The following ANXA13 variants were observed in gnomAD, a reference collection of about 807,000 sequenced individuals.
ANXA13 encodes the protein annexin XIII.
Under a neutral mutation model 46.6 loss-of-function variants are expected in ANXA13, and 36 were observed. The ratio of observed to expected loss-of-function variants is 0.77; its 90% CI spans 0.59 to 1.02. The LOEUF is 1.02. Ranked by LOEUF, ANXA13 falls within the 50% of genes least tolerant of loss-of-function variation. The probability of loss-of-function intolerance (pLI) is 0.00; values close to 1 mark genes in which losing one functional copy is unlikely to be tolerated. For synonymous variants in ANXA13, 163 were observed against 152.9 expected, an observed-to-expected ratio of 1.07 and a Z score of -0.49; for missense variants, 417 against 396.5, an observed-to-expected ratio of 1.05 and a Z score of -0.44.
At chr8:123,716,920 A>G (rs982684401) in intron 1 of ANXA13, among the ~76,000 whole-genome samples, 3 of 152,182 alleles carry the variant, frequency 2.0e-5, no homozygotes, top group African/African-American at 7.2e-5. Context: ...GGGGTACTCC[A>G]GGATGGGGTC....
At chr8:123,724,829 A>G (rs1278557433) in intron 1 of ANXA13, among the ~76,000 whole-genome samples, 2 of 152,258 alleles carry the variant, frequency 1.3e-5, no homozygotes, top group Non-Finnish European at 2.9e-5. Flanking sequence ...ACTGAGGACC[A>G]TATCTGGCCC....
At chr8:123,704,753 C>T (rs1813509625) in intron 2 of ANXA13, among the ~76,000 whole-genome samples, 1 of 152,184 alleles carries the variant, frequency 6.6e-6, no homozygotes, top group Non-Finnish European at 1.5e-5. Context: ...TACCTCCTTT[C>T]CCAGTCTTTC....
In ANXA13 at chr8:123,683,584, C is replaced by CT. The variant is rs5894671; in HGVS notation, c.831+1025dup. Among the ~76,000 whole-genome samples the CT allele has an allele frequency of 2.6e-3, 266 of 100,812 alleles. 5 individuals are homozygous for CT. Among genetic ancestry groups the CT allele is most frequent in the Middle Eastern group, 0.011 (2 of 184 alleles). 66.1% of individuals were successfully genotyped at this position (100,812 alleles called of 152,430 possible). On this transcript the variant is annotated intron_variant, in intron 10 of 10. Coordinates refer to ENST00000419625, the MANE Select transcript of ANXA13 (RefSeq NM_004306.4). ...CATATCCCGAACTGTTAGCTGTGAC[C>CT]TTTTTTTTTTTTTTTTTTTTGAGAC...
At chr8:123,725,857 C>T (rs189789094) in intron 1 of ANXA13, among the ~76,000 whole-genome samples, 22 of 152,224 alleles carry the variant, frequency 1.4e-4, no homozygotes, top group Admixed American at 9.8e-4. Context: ...TATTAATCTG[C>T]GGGGGTTGAT....
intron 6 of ANXA13, among the ~76,000 whole-genome samples, chr8:123,695,245 T>C (rs145280329): frequency 2.0e-4 from 30 of 152,214 alleles, no homozygotes; most frequent in African/African-American, 7.2e-4. Context: ...GACAAAGTGA[T>C]GCTTAATGAG....
intron 2 of ANXA13, among the ~76,000 whole-genome samples, chr8:123,707,173 G>T (rs1319289339): frequency 6.6e-6 from 1 of 152,232 alleles, no homozygotes; most frequent in African/African-American, 2.4e-5. Flanking sequence ...CATGTGCACA[G>T]ATGAATGAAT....
At chr8:123,688,073 T>G (rs1023034917) in intron 9 of ANXA13, among the ~76,000 whole-genome samples, 2 of 152,300 alleles carry the variant, frequency 1.3e-5, no homozygotes, top group Admixed American at 1.3e-4. Context: ...ACAGGTGCCC[T>G]CAGGGACCCA....
intron 1 of ANXA13, among the ~76,000 whole-genome samples, chr8:123,714,001 A>T (rs1163982313): frequency 7.9e-5 from 12 of 151,988 alleles, no homozygotes; most frequent in Admixed American, 3.9e-4. Flanking sequence ...GCATGTCCAT[A>T]TATTTTCCAT....
chr8:123,735,968 T>A, intron 1 of ANXA13: 1 of 1,399,090 alleles, frequency 7.1e-7, no homozygotes, highest in Non-Finnish European at 9.5e-7. Context: ...AAAATTATCC[T>A]CCTAAGCTGT....
At chr8:123,714,016 C>T (rs1813711737) in intron 1 of ANXA13, among the ~76,000 whole-genome samples, 1 of 152,184 alleles carries the variant, frequency 6.6e-6, no homozygotes, top group African/African-American at 2.4e-5. Context: ...TTCCATCCTT[C>T]AGTGAAGGCT....
intron 4 of ANXA13, 130 bp downstream of exon 4, chr8:123,698,259 C>G: frequency 1.0e-6 from 1 of 973,048 alleles, no homozygotes; most frequent in East Asian, 2.5e-5. Flanking sequence ...ATGGACCAAG[C>G]ACACATATGT....
rs143605420 is a variant in ANXA13, at chr8:123,705,457, G to T, written c.92-2721C>A. Among the ~76,000 whole-genome samples the T allele has an allele frequency of 3.0e-3, 456 of 152,302 alleles. 5 individuals carry two copies. The highest frequency in any genetic ancestry group is 0.01 in the African/African-American group (426 of 41,564). On this transcript the variant is annotated intron_variant, in intron 2 of 10. Transcript: ENST00000419625. ...CCATCTCTGCACAGAGCAGCCCAAG[G>T]CTTACTCACCTAATCTCAGCCACAC...
At chr8:123,728,420 G>A (rs535125106) in intron 1 of ANXA13, 55 of 152,272 alleles carry the variant, frequency 3.6e-4, no homozygotes, top group Non-Finnish European at 5.4e-4. Context: ...AATGAAGCAC[G>A]TTTCTCATTA....
chr8:123,730,388 G>A (rs1814092728), intron 1 of ANXA13, among the ~76,000 whole-genome samples: 1 of 152,146 alleles, frequency 6.6e-6, no homozygotes, highest in Non-Finnish European at 1.5e-5. Context: ...TAGATTTACT[G>A]AATCAACATT....
At chr8:123,692,745 T>C (rs1813264101) in intron 8 of ANXA13, among the ~76,000 whole-genome samples, 1 of 152,176 alleles carries the variant, frequency 6.6e-6, no homozygotes, top group South Asian at 2.1e-4. Flanking sequence ...GTGAAGATGA[T>C]GTTCACGGTT....
chr8:123,695,649 A>C lies in ANXA13; in HGVS notation c.391+39T>G, dbSNP rs1217114622. ...AGTTTCCCAGAGGTATTTTGAAAGA[A>C]ACATACTTTATCCAAAGCCAGAATG... is the stretch of plus-strand genomic sequence containing the variant. On this transcript the variant is annotated intron_variant, in intron 5 of 10. Transcript: ENST00000419625. 3.7e-6 allele frequency: 6 copies of C among 1,612,416 alleles called. No individual in the cohort carries two copies. In the East Asian group the frequency reaches 1.1e-4, roughly 30 times the overall value.
intron 4 of ANXA13, among the ~76,000 whole-genome samples, chr8:123,697,715 G>A (rs1813368388): frequency 6.6e-6 from 1 of 152,208 alleles, no homozygotes; most frequent in Non-Finnish European, 1.5e-5. Flanking sequence ...TGTGGTTGCT[G>A]AAGAGGGAGG....
chr8:123,693,635 A>T, intron 7 of ANXA13, 76 bp downstream of exon 7: 1 of 1,315,124 alleles, frequency 7.6e-7, no homozygotes, highest in Non-Finnish European at 1.1e-6. Context: ...CTTTGCATGA[A>T]ATAAACATTT....
At chr8:123,724,859 A>T (rs992209750) in intron 1 of ANXA13, among the ~76,000 whole-genome samples, 1 of 152,326 alleles carries the variant, frequency 6.6e-6, no homozygotes, top group East Asian at 1.9e-4. Flanking sequence ...TTTTGTAAAT[A>T]AAGTTTTATT....
Sources: gnomAD v4.1 joint callset for allele counts (sites outside exome capture counted in the v4.1 genomes callset) on GRCh38, gnomAD v4.1.1 for gene constraint, MANE v1.5 for transcripts, NCBI Gene and HGNC (gene_info 2026-07-23, HGNC 2026-07-21) for gene names.